FRMD8: variants seen among roughly 807,000 people sequenced by gnomAD.
FRMD8 encodes FERM domain containing 8.
In FRMD8, 37 loss-of-function variants were observed where a neutral mutation model predicts 54.2. That is an observed-to-expected ratio of 0.68 (90% CI 0.53 to 0.90). The LOEUF is 0.90. FRMD8 is among the 40% of genes least tolerant of loss of function. FRMD8 has a pLI of 0.00. For synonymous variants in FRMD8, 246 were observed against 286.9 expected, an observed-to-expected ratio of 0.86 and a Z score of 1.44; for missense variants, 585 against 653.7, an observed-to-expected ratio of 0.89 and a Z score of 1.15.
chr11:65,376,567 C>T, the FRMD8 span: 192 of 1,614,144 alleles, frequency 1.2e-4, no homozygotes, highest in African/African-American at 9.3e-4. Flanking sequence ...GTACACTCTG[C>T]GTCTCAGTCC....
At chr11:65,368,931 G>A in the FRMD8 span, among the ~76,000 whole-genome samples, 1 of 152,158 alleles carries the variant, frequency 6.6e-6, no homozygotes, top group Non-Finnish European at 1.5e-5. Context: ...GTTTAGAGGA[G>A]AGACAGATAT....
chr11:65,394,215 C>T (rs751834900), intron 5 of FRMD8, 44 bp from the exon 6 acceptor site: 4 of 1,593,222 alleles, frequency 2.5e-6, no homozygotes, highest in Admixed American at 1.8e-5. Flanking sequence ...GCTCTCCCTG[C>T]CCCAGCCCAG....
At chr11:65,369,983 A>G in the FRMD8 span, among the ~76,000 whole-genome samples, 3 of 151,400 alleles carry the variant, frequency 2.0e-5, no homozygotes, top group African/African-American at 7.3e-5. Context: ...GTGAGCCAAG[A>G]TCACACCATT....
In FRMD8 at chr11:65,386,658, T is replaced by C. The variant is rs957018017; in HGVS notation, c.-104T>C. On this transcript the variant is annotated 5_prime_UTR_variant, in exon 1 of 11. Coordinates refer to ENST00000317568, the MANE Select transcript of FRMD8 (RefSeq NM_031904.5). ...CCGCGTCGCTTCCCGGTCAGCTGCG[T>C]CCTTAGCGGGAGCCCGAGTGCGGGC... The C allele has an allele frequency of 3.3e-5, 8 of 242,668 alleles. No individual in the cohort carries two copies. Among genetic ancestry groups the C allele is most frequent in the African/African-American group, 1.6e-4 (7 of 44,254 alleles). The allele number at this position is 242,668 out of a possible 1,614,324, so 15.0% of individuals were successfully genotyped here. A position where few individuals can be genotyped will look rare whatever the true frequency, so the allele number is the denominator to read the frequency against.
chr11:65,409,006 C>T (rs374839442), intron 10 of FRMD8, among the ~76,000 whole-genome samples: 11 of 152,258 alleles, frequency 7.2e-5, no homozygotes, highest in African/African-American at 2.4e-4. Flanking sequence ...GTGTCTGCCT[C>T]CCATGCCCTC....
At chr11:65,377,535 G>T in the FRMD8 span, 1 of 507,134 alleles carries the variant, frequency 2.0e-6, no homozygotes, top group Non-Finnish European at 2.6e-6. Flanking sequence ...GTTCTCCTGC[G>T]CCCACCTCTC....
At chr11:65,381,136 C>CT in the FRMD8 span, 84 of 148,360 alleles carry the variant, frequency 5.7e-4, no homozygotes, top group Middle Eastern at 3.6e-3. Flanking sequence ...GGAACCCAGA[C>CT]TTTTTTTTTT....
In FRMD8 at chr11:65,400,172, C is replaced by T. The variant is rs988310855; in HGVS notation, c.927+313C>T. Among the ~76,000 whole-genome samples the T allele has an allele frequency of 2.0e-5, 3 of 152,288 alleles. No homozygotes were observed. Among genetic ancestry groups the T allele is most frequent in the Admixed American group, 6.5e-5 (1 of 15,306 alleles). ...AGAACAGCCTGATGCTCCAGAAGACCCCGCGACGGGAGCCCTCTTGGGCTG... is the reference window on the plus strand; with the variant it reads ...AGAACAGCCTGATGCTCCAGAAGACTCCGCGACGGGAGCCCTCTTGGGCTG... On this transcript the variant is annotated intron_variant, in intron 8 of 10. Transcript: ENST00000317568. This position sits in a 1 kb window ranked among gnomAD's most constrained non-coding sequence, Gnocchi z 4.3.
intron 3 of FRMD8, among the ~76,000 whole-genome samples, chr11:65,391,953 C>A (rs1357940940): frequency 1.3e-5 from 2 of 152,224 alleles, no homozygotes; most frequent in African/African-American, 2.4e-5. Flanking sequence ...AGTGGGTGAT[C>A]TCCATGTCCT....
At chr11:65,411,140 G>A in intron 10 of FRMD8, 102 bp from the exon 11 acceptor site, 1 of 898,406 alleles carries the variant, frequency 1.1e-6, no homozygotes, top group South Asian at 1.7e-5. Context: ...CCAGGCTCTG[G>A]AAGGAGCCGT....
At chr11:65,395,019 G>T (rs1030383616) in intron 6 of FRMD8, among the ~76,000 whole-genome samples, 5 of 152,198 alleles carry the variant, frequency 3.3e-5, no homozygotes, top group African/African-American at 1.2e-4. Context: ...GGTCAAGGCA[G>T]GCAAATCGCT....
intron 6 of FRMD8, among the ~76,000 whole-genome samples, chr11:65,394,738 T>A (rs932386702): frequency 3.3e-5 from 5 of 152,184 alleles, no homozygotes; most frequent in African/African-American, 9.6e-5. Context: ...ATACTGACCC[T>A]TTGTCACCAG....
Position 65,404,785 on chromosome 11 carries a change from G to A in FRMD8, c.1072-79G>A. 8.0e-7 allele frequency: 1 copy of A among 1,244,268 alleles called. No individual in the cohort carries two copies. The highest frequency in any genetic ancestry group is 1.3e-5 in the South Asian group (1 of 74,784). 77.1% of individuals were successfully genotyped at this position (1,244,268 alleles called of 1,614,324 possible). ...CCCCTCCCCTGCTTCCCCAACCAGA[G>A]AGCAGAGCTCATTTCAGGCTCAGCA... is the stretch of plus-strand genomic sequence containing the variant. On this transcript the variant is annotated intron_variant, in intron 9 of 10. Coordinates refer to ENST00000317568, the MANE Select transcript of FRMD8 (RefSeq NM_031904.5). The surrounding 1 kb of genome is among the most constrained non-coding windows in gnomAD (Gnocchi z 4.7).
chr11:65,378,442 CA>C, the FRMD8 span: 1 of 152,156 alleles, frequency 6.6e-6, no homozygotes, highest in South Asian at 2.1e-4. Context: ...GCTGGGGGGG[CA>C]GGGTGACTTA....
rs1203760274 is a variant in FRMD8 at position 65,413,489 on chromosome 11, TG to T, written c.*2130del. On this transcript the variant is annotated 3_prime_UTR_variant, in exon 11 of 11. Coordinates refer to ENST00000317568, the MANE Select transcript of FRMD8 (RefSeq NM_031904.5). ...CATTCTTTGAATGTTCTCATTCTTT[TG>T]TATCATGTGACTTATTAAAATCAGT... is the stretch of plus-strand genomic sequence containing the variant. 2.6e-5 allele frequency: 4 copies of T among 152,264 alleles called. No individual in the cohort carries two copies. The highest frequency in any genetic ancestry group is 5.9e-5 in the Non-Finnish European group (4 of 68,052). The allele number at this position is 152,264 out of a possible 1,614,324, so 9.4% of individuals were successfully genotyped here.
At chr11:65,392,710 A>G (rs1365593800) in intron 3 of FRMD8, among the ~76,000 whole-genome samples, 4 of 152,148 alleles carry the variant, frequency 2.6e-5, no homozygotes, top group Middle Eastern at 3.2e-3. Context: ...GCGGTGGACA[A>G]TTCTGCAGCC....
chr11:65,391,849 G>A (rs1373888592), intron 3 of FRMD8, among the ~76,000 whole-genome samples: 1 of 152,144 alleles, frequency 6.6e-6, no homozygotes, highest in Non-Finnish European at 1.5e-5. Flanking sequence ...GGTAAAGGGG[G>A]GTTTAGGAAG....
chr11:65,375,965 G>A, the FRMD8 span: 41 of 173,056 alleles, frequency 2.4e-4, no homozygotes, highest in African/African-American at 9.6e-4. Context: ...GGGAGGCTGA[G>A]GCAGGAGAGT....
the FRMD8 span, among the ~76,000 whole-genome samples, chr11:65,374,773 C>A: frequency 4.6e-5 from 7 of 152,046 alleles, no homozygotes; most frequent in Non-Finnish European, 8.8e-5. Context: ...TTCAAGACGG[C>A]CTGGGCAACA....
Sources: gnomAD v4.1 joint callset for allele counts (sites outside exome capture counted in the v4.1 genomes callset) on GRCh38, gnomAD v4.1.1 for gene constraint, Gnocchi (gnomAD v3.1) non-coding constraint, MANE v1.5 for transcripts, NCBI Gene and HGNC (gene_info 2026-07-23, HGNC 2026-07-21) for gene names.